The following PGLYRP1 variants were observed in gnomAD, a reference collection of about 807,000 sequenced individuals.
The protein encoded by PGLYRP1 is TNF superfamily, member 3 (LTB)-like (peptidoglycan recognition protein).
A neutral mutation model predicts 16.3 loss-of-function variants in PGLYRP1; 18 were observed. That is an observed-to-expected ratio of 1.11 (90% CI 0.77 to 1.64). The LOEUF (loss-of-function observed/expected upper bound fraction) is 1.64. Ranked by LOEUF, PGLYRP1 falls within the 40% of genes most tolerant of loss-of-function variation. The probability of loss-of-function intolerance (pLI) is 0.00; values close to 1 mark genes in which losing one functional copy is unlikely to be tolerated. For synonymous variants in PGLYRP1, 89 were observed against 105.7 expected (o/e 0.84, Z 0.97); for missense variants, 261 against 268.6 (o/e 0.97, Z 0.20).
chr19:46,021,635 C>T (rs1969045138), intron 1 of PGLYRP1, among the ~76,000 whole-genome samples: 1 of 152,150 alleles, frequency 6.6e-6, no homozygotes, highest in Non-Finnish European at 1.5e-5. Context: ...AGCCGGCACC[C>T]CTTACAGTCT....
chr19:46,020,586 C>T lies in PGLYRP1; in HGVS notation c.288-939G>A, dbSNP rs990578365. On this transcript the variant is annotated intron_variant, in intron 1 of 2. Coordinates refer to ENST00000008938, the MANE Select transcript of PGLYRP1 (RefSeq NM_005091.3). ...AGGATCACAGACTCAAAGTTGGGGT[C>T]GTAACCAGATACCGACCCTGGAGCC... Among the ~76,000 whole-genome samples the T allele has an allele frequency of 8.5e-5, 13 of 152,256 alleles. No individual in the cohort carries two copies. In the South Asian group the frequency reaches 1.0e-3, roughly 12 times the overall value.
chr19:46,019,229 A>G lies in PGLYRP1; in HGVS notation c.*9T>C, dbSNP rs1969015887. 1 of 1,613,128 alleles carries G rather than the reference A, an allele frequency of 6.2e-7. No individual in the cohort carries two copies. The highest frequency in any genetic ancestry group is 2.2e-5 in the East Asian group (1 of 44,866). Reference sequence around the variant, plus strand: ...GGAGGGGAGGAATGGGGTGCGGATCAGCAGGGCCTCAGGGGGAGCGGTAGT... The same window carrying G: ...GGAGGGGAGGAATGGGGTGCGGATCGGCAGGGCCTCAGGGGGAGCGGTAGT... On this transcript the variant is annotated 3_prime_UTR_variant, in exon 3 of 3. Coordinates refer to ENST00000008938, the MANE Select transcript of PGLYRP1 (RefSeq NM_005091.3). This position sits in a 1 kb window ranked among gnomAD's most constrained non-coding sequence, Gnocchi z 4.8.
Position 46,023,009 on chromosome 19 carries a change from A to G in PGLYRP1, c.13T>C (p.Ser5Pro). 1 of 1,558,890 alleles carries G rather than the reference A, an allele frequency of 6.4e-7. No homozygotes were observed. Among genetic ancestry groups the G allele is most frequent in the Non-Finnish European group, 8.7e-7 (1 of 1,151,644 alleles). Residue 5 changes from serine (S) to proline (P), a missense_variant, in exon 1 of 3, where the codon TCT becomes CCT. Transcript: ENST00000008938. MSRR[S>P]MLLAWALPSL... ...GGGAGAGCCCAGGCAAGCAGCATAGAGCGGCGGGACATAGTGGCAGGGCGG... is the reference window on the plus strand; with the variant it reads ...GGGAGAGCCCAGGCAAGCAGCATAGGGCGGCGGGACATAGTGGCAGGGCGG...
At position 46,019,282 on chromosome 19, in the gene PGLYRP1, G is replaced by A; in HGVS notation, c.547C>T (p.Leu183Phe). ...GGCCAATTCTGGATGAGGTGGTAGA[G>A]CTGGTTGCCTGGAGAGAGTGTACGC... is the stretch of plus-strand genomic sequence containing the variant. ...VQRTLSPGNQ[L>F]YHLIQNWPHY... is the part of the protein sequence containing the mutation. Residue 183 changes from leucine to phenylalanine, a missense_variant, in exon 3 of 3, where the codon CTC (leucine) becomes TTC (phenylalanine). Leu to Phe is a conservative substitution (Grantham distance 22). Transcript: ENST00000008938. This position sits in a 1 kb window ranked among gnomAD's most constrained non-coding sequence, Gnocchi z 4.8. 6.2e-7 allele frequency: 1 copy of A among 1,613,976 alleles called. No homozygotes were observed. Among genetic ancestry groups the A allele is most frequent in the South Asian group, 1.1e-5 (1 of 91,082 alleles).
At position 46,019,761 on chromosome 19, in the gene PGLYRP1, C is replaced by G. The variant is rs1050813220; in HGVS notation, c.288-114G>C. 17 of 1,087,078 alleles carry G rather than the reference C, an allele frequency of 1.6e-5. No homozygotes were observed. Among genetic ancestry groups the G allele is most frequent in the Non-Finnish European group, 2.2e-5 (17 of 767,898 alleles). The allele number at this position is 1,087,078 out of a possible 1,614,324, so 67.3% of individuals were successfully genotyped here. On this transcript the variant is annotated intron_variant, in intron 1 of 2. Coordinates refer to ENST00000008938, the MANE Select transcript of PGLYRP1 (RefSeq NM_005091.3). The surrounding 1 kb of genome is among the most constrained non-coding windows in gnomAD (Gnocchi z 4.8). ...TACTGCCGTGGTGCACACAACTTCC[C>G]CAGCATCCTTCTCACCCGTTAATTT...
intron 1 of PGLYRP1, 114 bp downstream of exon 1, chr19:46,022,621 G>T: frequency 8.4e-7 from 1 of 1,190,424 alleles, no homozygotes; most frequent in Non-Finnish European, 1.2e-6. Flanking sequence ...AGCTGCTCAG[G>T]GTGTCAGCCA....
In PGLYRP1 at chr19:46,019,394, G is replaced by C. The variant is rs769731665; in HGVS notation, c.435C>G (p.Ile145Met). The C allele has an allele frequency of 6.2e-7, 1 of 1,613,666 alleles. No individual in the cohort carries two copies. The highest frequency in any genetic ancestry group is 2.2e-5 in the East Asian group (1 of 44,844). The part of the protein sequence containing the change: ...YMDRVPTPQA[I>M]RAAQGLLACG... ...AGGCCAGTAGACCCTGGGCTGCCCG[G>C]ATGGCCTGGGGTGTGGGCACCCGAT... The change falls in exon 3 of 3, where the codon ATC becomes ATG. Residue 145 changes from isoleucine to methionine, a missense_variant. Coordinates refer to ENST00000008938, the MANE Select transcript of PGLYRP1 (RefSeq NM_005091.3). This position sits in a 1 kb window ranked among gnomAD's most constrained non-coding sequence, Gnocchi z 4.8.
chr19:46,019,299 A>T lies in PGLYRP1; in HGVS notation c.530T>A (p.Leu177His), dbSNP rs1444059894. ...LKGHRDVQRT[L>H]SPGNQLYHLI... ...GTGGTAGAGCTGGTTGCCTGGAGAG[A>T]GTGTACGCTGCACATCCCGGTGTCC... Residue 177 changes from leucine to histidine, a missense_variant, in exon 3 of 3, where the codon CTC (leucine) becomes CAC (histidine). Transcript: ENST00000008938. This position sits in a 1 kb window ranked among gnomAD's most constrained non-coding sequence, Gnocchi z 4.8. 5.6e-6 allele frequency: 9 copies of T among 1,613,518 alleles called. No homozygotes were observed. The South Asian group carries it at 7.7e-5, about 14-fold the overall frequency.
Position 46,019,717 on chromosome 19 carries a change from C to T in PGLYRP1, c.288-70G>A, listed in dbSNP as rs1969023657. The T allele has an allele frequency of 1.3e-6, 2 of 1,517,418 alleles. No homozygotes were observed. The highest frequency in any genetic ancestry group is 1.8e-6 in the Non-Finnish European group (2 of 1,123,080). 94.0% of individuals were successfully genotyped at this position (1,517,418 alleles called of 1,614,324 possible). ...CCGAGGAGGACTCCTCCTCCTTCCT[C>T]CACTCACCCTGCCTCCGTTACTGCC... On this transcript the variant is annotated intron_variant, in intron 1 of 2. Coordinates refer to ENST00000008938, the MANE Select transcript of PGLYRP1 (RefSeq NM_005091.3). This position sits in a 1 kb window ranked among gnomAD's most constrained non-coding sequence, Gnocchi z 4.8.
chr19:46,020,823 G>A (rs1489775901), intron 1 of PGLYRP1, among the ~76,000 whole-genome samples: 4 of 152,340 alleles, frequency 2.6e-5, no homozygotes, highest in East Asian at 3.9e-4. Context: ...CTTGAGTCCC[G>A]AATCTGCTGC....
chr19:46,019,202 T>C lies in PGLYRP1; in HGVS notation c.*36A>G. On this transcript the variant is annotated 3_prime_UTR_variant, in exon 3 of 3. Coordinates refer to ENST00000008938, the MANE Select transcript of PGLYRP1 (RefSeq NM_005091.3). This position sits in a 1 kb window ranked among gnomAD's most constrained non-coding sequence, Gnocchi z 4.8. The stretch of plus-strand genomic sequence containing the variant: ...AAGGAGACAGTGGGGTTTTTGGCCA[T>C]GGGAGGGGAGGAATGGGGTGCGGAT... The C allele has an allele frequency of 4.4e-6, 7 of 1,593,918 alleles. No individual in the cohort carries two copies. The highest frequency in any genetic ancestry group is 6.0e-6 in the Non-Finnish European group (7 of 1,163,244).
chr19:46,022,716 GC>G lies in PGLYRP1; in HGVS notation c.287+18del. 1 of 1,613,188 alleles carries G rather than the reference GC, an allele frequency of 6.2e-7. No individual in the cohort carries two copies. The highest frequency in any genetic ancestry group is 1.7e-5 in the Admixed American group (1 of 59,892). On this transcript the variant is annotated intron_variant, in intron 1 of 2. Transcript: ENST00000008938. ...CTCTGGGATCCCCAGTCCAGCCCGT[GC>G]CCCCCTGCCACACTCACTTGTAGCC...
At chr19:46,020,469 C>A (rs1307569074) in intron 1 of PGLYRP1, among the ~76,000 whole-genome samples, 1 of 152,138 alleles carries the variant, frequency 6.6e-6, no homozygotes, top group African/African-American at 2.4e-5. Context: ...CAGAAAGCGA[C>A]ATAATTTGTA....
At chr19:46,020,248 A>C (rs1314360211) in intron 1 of PGLYRP1, among the ~76,000 whole-genome samples, 1 of 151,608 alleles carries the variant, frequency 6.6e-6, no homozygotes, top group Non-Finnish European at 1.5e-5. Flanking sequence ...ACCTGGGATT[A>C]CAAGCATGAG....
chr19:46,020,105 C>CTTTT (rs11477830), intron 1 of PGLYRP1, among the ~76,000 whole-genome samples: 2 of 127,820 alleles, frequency 1.6e-5, no homozygotes, highest in African/African-American at 3.0e-5. Context: ...GAGGCAGAGA[C>CTTTT]TTTTTTTTTT....
chr19:46,020,390 A>T (rs917764750), intron 1 of PGLYRP1, among the ~76,000 whole-genome samples: 2 of 152,156 alleles, frequency 1.3e-5, no homozygotes, highest in African/African-American at 4.8e-5. Flanking sequence ...GATTACAAGC[A>T]TGAGTCACCG....
At position 46,019,477 on chromosome 19, in the gene PGLYRP1, G is replaced by A. The variant is rs758480237; in HGVS notation, c.409+49C>T. On this transcript the variant is annotated intron_variant, in intron 2 of 2. Transcript: ENST00000008938. The surrounding 1 kb of genome is among the most constrained non-coding windows in gnomAD (Gnocchi z 4.8). ...GCTTCCCCGAAGGGGAAGTGATAGCGTAGGGCCCCGTGTCAGCCCCCATCC... is the reference window on the plus strand; with the variant it reads ...GCTTCCCCGAAGGGGAAGTGATAGCATAGGGCCCCGTGTCAGCCCCCATCC... 11 of 1,612,664 alleles carry A rather than the reference G, an allele frequency of 6.8e-6. No individual in the cohort carries two copies. The highest frequency in any genetic ancestry group is 5.0e-5 in the Admixed American group (3 of 59,912).
chr19:46,020,302 T>G (rs1301065300), intron 1 of PGLYRP1, among the ~76,000 whole-genome samples: 1 of 151,954 alleles, frequency 6.6e-6, no homozygotes, highest in Non-Finnish European at 1.5e-5. Context: ...AGAGATGGGG[T>G]TTCACCATGT....
intron 1 of PGLYRP1, among the ~76,000 whole-genome samples, chr19:46,020,432 T>A (rs1969032714): frequency 6.6e-6 from 1 of 152,102 alleles, no homozygotes. Flanking sequence ...CTTATCATCC[T>A]CATCTTAAGC....
Sources: allele counts gnomAD v4.1 joint callset (sites outside exome capture counted in the v4.1 genomes callset), GRCh38; gene constraint gnomAD v4.1.1; non-coding constraint Gnocchi (gnomAD v3.1); transcripts MANE v1.5; gene names NCBI Gene and HGNC (gene_info 2026-07-23, HGNC 2026-07-21).